RNF32: variants seen among roughly 807,000 people sequenced by gnomAD.
RNF32 encodes the protein ring finger protein 32.
Under a neutral mutation model 41.0 loss-of-function variants are expected in RNF32, and 36 were observed. That is an observed-to-expected ratio of 0.88 (90% CI 0.67 to 1.16). The LOEUF (loss-of-function observed/expected upper bound fraction) is 1.16, where lower values mean the gene tolerates loss of function less well. Among genes scored for constraint, RNF32 ranks in the 50% most tolerant of loss-of-function variants. RNF32 has a pLI of 0.00. For synonymous variants in RNF32, 154 were observed against 160.9 expected (o/e 0.96, Z 0.32); for missense variants, 413 against 436.7 (o/e 0.95, Z 0.48).
At position 156,676,903 on chromosome 7, in the gene RNF32, G is replaced by A. The variant is rs1804163691; in HGVS notation, c.*248G>A. 2.2e-6 allele frequency: 1 copy of A among 449,794 alleles called. No homozygotes were observed. The highest frequency in any genetic ancestry group is 4.0e-6 in the Non-Finnish European group (1 of 249,084). 27.9% of individuals were successfully genotyped at this position (449,794 alleles called of 1,614,324 possible). ...ACTTCAAATATGAATAGCAAAAAAT[G>A]AGAGCTTGCTTACTTCTAAAAATTG... On this transcript the variant is annotated 3_prime_UTR_variant, in exon 9 of 9. Transcript: ENST00000317955.
intron 8 of RNF32, 174 bp from the exon 9 acceptor site, chr7:156,676,245 G>A (rs201313342): frequency 2.7e-5 from 41 of 1,506,368 alleles, no homozygotes; most frequent in East Asian, 1.5e-4. Flanking sequence ...ATATGTGTGT[G>A]TATATATATA....
intron 3 of RNF32, among the ~76,000 whole-genome samples, chr7:156,652,461 C>A (rs1349568578): frequency 6.6e-6 from 1 of 151,916 alleles, no homozygotes; most frequent in Non-Finnish European, 1.5e-5. Context: ...CACAACAACA[C>A]CTAGACCGGT....
At chr7:156,653,387 G>C (rs1048049244) in intron 3 of RNF32, among the ~76,000 whole-genome samples, 1 of 152,124 alleles carries the variant, frequency 6.6e-6, no homozygotes, top group African/African-American at 2.4e-5. Context: ...TGACGAAATC[G>C]CCTAACAGCA....
chr7:156,658,338 C>A, intron 6 of RNF32, 86 bp downstream of exon 6: 1 of 1,576,964 alleles, frequency 6.3e-7, no homozygotes, highest in Middle Eastern at 1.7e-4. Context: ...GGGATTTTAT[C>A]TCTCTTCTTG....
chr7:156,656,640 C>T (rs962174447), intron 4 of RNF32, among the ~76,000 whole-genome samples: 4 of 152,230 alleles, frequency 2.6e-5, no homozygotes, highest in Non-Finnish European at 5.9e-5. Flanking sequence ...ACTTTAAAAA[C>T]TGTTAAGTTT....
At position 156,669,996 on chromosome 7, in the gene RNF32, T is replaced by G. The variant is rs1245934189; in HGVS notation, c.685-5700T>G. ...CAAGTACTAAAAGTATAAAGCTGTA[T>G]GTACTTCTGTGGCCTCTCTCTCCAG... On this transcript the variant is annotated intron_variant, in intron 7 of 8. Transcript: ENST00000317955. This position sits in a 1 kb window ranked among gnomAD's most constrained non-coding sequence, Gnocchi z 4.2. Among the ~76,000 whole-genome samples the G allele has an allele frequency of 4.6e-5, 7 of 152,242 alleles. No individual in the cohort carries two copies. Among genetic ancestry groups the G allele is most frequent in the Admixed American group, 4.6e-4 (7 of 15,294 alleles).
upstream of RNF32, chr7:156,640,682 G>T (rs1192040691): frequency 1.6e-5 from 5 of 314,618 alleles, no homozygotes; most frequent in African/African-American, 2.3e-5. Flanking sequence ...GCGGGGCAGG[G>T]CTGGTGAGCA....
chr7:156,676,652 T>C lies in RNF32; in HGVS notation c.1086T>C (p.Cys362=), dbSNP rs772454818. Reference sequence around the variant, plus strand: ...GCTACCAGAAGAAGATTCTTGAATGTTGAATTCATAGTCAAGGAAAGTTAG... The same window carrying C: ...GCTACCAGAAGAAGATTCTTGAATGCTGAATTCATAGTCAAGGAAAGTTAG... ...RSCYQKKILE[C] is the part of the protein sequence containing the mutation. The change falls in exon 9 of 9, where the codon TGT becomes TGC. Residue 362 remains cysteine, a synonymous_variant. Coordinates refer to ENST00000317955, the MANE Select transcript of RNF32 (RefSeq NM_030936.4). 5.0e-6 allele frequency: 8 copies of C among 1,611,708 alleles called. No homozygotes were observed. In the African/African-American group the frequency reaches 5.3e-5, roughly 11 times the overall value.
chr7:156,671,160 T>C (rs539844419), intron 7 of RNF32, among the ~76,000 whole-genome samples: 4 of 152,202 alleles, frequency 2.6e-5, no homozygotes, highest in Non-Finnish European at 4.4e-5. Flanking sequence ...ATAGAAAACT[T>C]TAATTGAAAA....
At chr7:156,651,069 T>C (rs1017875775) in intron 3 of RNF32, among the ~76,000 whole-genome samples, 1 of 152,196 alleles carries the variant, frequency 6.6e-6, no homozygotes, top group Non-Finnish European at 1.5e-5. Flanking sequence ...TATCAGAAGA[T>C]CCATGGGCAT....
At chr7:156,657,022 G>A (rs143743693) in intron 4 of RNF32, among the ~76,000 whole-genome samples, 70 of 152,358 alleles carry the variant, frequency 4.6e-4, no homozygotes, top group Non-Finnish European at 9.3e-4. Context: ...GTTTTCTTGT[G>A]AGCACACTTT....
intron 7 of RNF32, among the ~76,000 whole-genome samples, chr7:156,665,646 T>C (rs1269260181): frequency 6.6e-6 from 1 of 152,122 alleles, no homozygotes; most frequent in Non-Finnish European, 1.5e-5. Flanking sequence ...ACTCCAAAGT[T>C]AAAGGTACGT....
chr7:156,656,762 A>C (rs4716648), intron 4 of RNF32, among the ~76,000 whole-genome samples: 81,691 of 152,008 alleles, frequency 0.54, 25,000 homozygotes, highest in African/African-American at 0.83. Context: ...CCTTCGCCTG[A>C]CCCCACCGCT....
chr7:156,660,813 G>A (rs556646326), intron 7 of RNF32, among the ~76,000 whole-genome samples: 106 of 152,354 alleles, frequency 7.0e-4, no homozygotes, highest in African/African-American at 2.4e-3. Context: ...AGTGCACCCC[G>A]GGCGGTTGGA....
At chr7:156,675,096 A>C (rs906669637) in intron 7 of RNF32, among the ~76,000 whole-genome samples, 1 of 152,260 alleles carries the variant, frequency 6.6e-6, no homozygotes, top group African/African-American at 2.4e-5. Context: ...AAGGCAGCGC[A>C]GACCGGAAGA....
intron 1 of RNF32, among the ~76,000 whole-genome samples, chr7:156,642,703 A>G (rs6947383): frequency 0.015 from 2,344 of 152,318 alleles, 44 homozygotes; most frequent in African/African-American, 0.053. Flanking sequence ...ACGGCATCCC[A>G]TGGCAGGGCA....
At chr7:156,647,328 G>A (rs1268426873) in intron 3 of RNF32, among the ~76,000 whole-genome samples, 1 of 152,074 alleles carries the variant, frequency 6.6e-6, no homozygotes, top group African/African-American at 2.4e-5. Context: ...CTAACGTGCA[G>A]TCTTTTTATC....
intron 3 of RNF32, among the ~76,000 whole-genome samples, chr7:156,647,639 A>G (rs1798141729): frequency 6.6e-6 from 1 of 152,178 alleles, no homozygotes; most frequent in Non-Finnish European, 1.5e-5. Context: ...GCTGCAATAA[A>G]CATACGTATG....
chr7:156,646,444 T>C, intron 3 of RNF32: 2 of 1,303,702 alleles, frequency 1.5e-6, no homozygotes, highest in South Asian at 2.5e-5. Flanking sequence ...CCCTTTCCTC[T>C]TCTTATAAGG....
Sources: allele counts gnomAD v4.1 joint callset (sites outside exome capture counted in the v4.1 genomes callset), GRCh38; gene constraint gnomAD v4.1.1; non-coding constraint Gnocchi (gnomAD v3.1); transcripts MANE v1.5; gene names NCBI Gene and HGNC (gene_info 2026-07-23, HGNC 2026-07-21).